The following LRRC4C variants were observed in gnomAD, a reference collection of about 807,000 sequenced individuals.
LRRC4C encodes leucine rich repeat containing 4C.
Under a neutral mutation model 33.6 loss-of-function variants are expected in LRRC4C, and 5 were observed. The observed-to-expected ratio is 0.15, with a 90% CI of 0.08 to 0.31. LRRC4C has a LOEUF of 0.31. Among genes scored for constraint, LRRC4C ranks in the 10% least tolerant of loss-of-function variants. The pLI is 1.00. For missense variants in LRRC4C, 560 were observed against 796.7 expected, an observed-to-expected ratio of 0.70 and a Z score of 3.58; for synonymous variants, 329 against 302.0, an observed-to-expected ratio of 1.09 and a Z score of -0.93.
At chr11:40,802,687 G>A (rs1218122848) in intron 2 of LRRC4C, among the ~76,000 whole-genome samples, 2 of 152,116 alleles carry the variant, frequency 1.3e-5, no homozygotes, top group Admixed American at 6.6e-5. Context: ...AAAAGACATA[G>A]AAAATGTGAG....
rs112519968 is a variant in LRRC4C, at chr11:41,133,297, G to T, written c.-495-199574C>A. Among the ~76,000 whole-genome samples the T allele has an allele frequency of 8.6e-3, 1,316 of 152,140 alleles. 14 individuals are homozygous for T. The highest frequency in any genetic ancestry group is 0.013 in the Non-Finnish European group (873 of 67,994). On this transcript the variant is annotated intron_variant, in intron 1 of 6. Coordinates refer to ENST00000528697, the MANE Select transcript of LRRC4C (RefSeq NM_001258419.2). Reference sequence around the variant, plus strand: ...TTCAAAGTTCAGGGCTAACCATAGGGGATGGTGGGGAAAGTGATCTCCAAA... The same window carrying T: ...TTCAAAGTTCAGGGCTAACCATAGGTGATGGTGGGGAAAGTGATCTCCAAA...
intron 2 of LRRC4C, among the ~76,000 whole-genome samples, chr11:40,692,578 C>G (rs1565641098): frequency 6.6e-6 from 1 of 151,866 alleles, no homozygotes; most frequent in African/African-American, 2.4e-5. Context: ...GAAGAAAAGC[C>G]CTTTTTTTTT....
intron 1 of LRRC4C, among the ~76,000 whole-genome samples, chr11:40,979,408 T>G (rs1316018365): frequency 6.6e-6 from 1 of 152,196 alleles, no homozygotes; most frequent in African/African-American, 2.4e-5. Flanking sequence ...TAGAATACCT[T>G]TCATCAAGAC....
intron 1 of LRRC4C, among the ~76,000 whole-genome samples, chr11:41,349,035 C>T (rs1565602363): frequency 6.6e-6 from 1 of 152,142 alleles, no homozygotes; most frequent in South Asian, 2.1e-4. Flanking sequence ...GCTGCTGGAC[C>T]TGGACAGAGT....
At chr11:41,051,555 G>GAAAAAAAAAAAAAAAAA (rs1565337349) in intron 1 of LRRC4C, among the ~76,000 whole-genome samples, 92 of 82,738 alleles carry the variant, frequency 1.1e-3, no homozygotes, top group African/African-American at 1.4e-3. Context: ...AAAAAAAAAG[G>GAAAAAAAAAAAAAAAAA]AAAAATTAGT....
At position 41,304,922 on chromosome 11, in the gene LRRC4C, G is replaced by T. The variant is rs568704642; in HGVS notation, c.-496+154509C>A. On this transcript the variant is annotated intron_variant, in intron 1 of 6. Coordinates refer to ENST00000528697, the MANE Select transcript of LRRC4C (RefSeq NM_001258419.2). Reference sequence around the variant, plus strand: ...CCCCATCCGGGAGGGAGGTGGGGGGGGGTCAGCCCACCTGCTGGGCCAGCC... The same window carrying T: ...CCCCATCCGGGAGGGAGGTGGGGGGTGGTCAGCCCACCTGCTGGGCCAGCC... 1.6e-5 allele frequency among the ~76,000 whole-genome samples: 2 copies of T among 124,606 alleles called. 1 individual carries two copies. The highest frequency in any genetic ancestry group is 5.2e-4 in the South Asian group (2 of 3,860). 81.7% of individuals were successfully genotyped at this position (124,606 alleles called of 152,430 possible).
chr11:40,877,875 G>A (rs1004970593), intron 2 of LRRC4C, among the ~76,000 whole-genome samples: 2 of 152,130 alleles, frequency 1.3e-5, no homozygotes, highest in Admixed American at 6.5e-5. Flanking sequence ...AAAGCCAGTC[G>A]ACACGTATTA....
intron 3 of LRRC4C, among the ~76,000 whole-genome samples, chr11:40,379,859 G>T (rs765479887): frequency 1.3e-5 from 2 of 152,104 alleles, no homozygotes; most frequent in Non-Finnish European, 2.9e-5. Flanking sequence ...GGAATTTGTT[G>T]GAAATACAAA....
intron 3 of LRRC4C, among the ~76,000 whole-genome samples, chr11:40,495,825 T>G (rs1432440339): frequency 2.3e-5 from 1 of 42,716 alleles, no homozygotes; most frequent in Non-Finnish European, 4.6e-5. Context: ...TTTTTTTTTT[T>G]TTTTTTTTTT....
At chr11:40,738,871 T>G (rs1948014790) in intron 2 of LRRC4C, among the ~76,000 whole-genome samples, 2 of 152,096 alleles carry the variant, frequency 1.3e-5, no homozygotes, top group African/African-American at 4.8e-5. Flanking sequence ...AGGACTCTTT[T>G]TTCTTCAGCT....
intron 1 of LRRC4C, among the ~76,000 whole-genome samples, chr11:40,951,137 C>A (rs953011445): frequency 6.6e-6 from 1 of 151,864 alleles, no homozygotes; most frequent in Non-Finnish European, 1.5e-5. Context: ...ATAATAAAAT[C>A]TGGAGGGCAA....
intron 1 of LRRC4C, among the ~76,000 whole-genome samples, chr11:41,183,519 C>A (rs1192185230): frequency 6.6e-6 from 1 of 152,120 alleles, no homozygotes; most frequent in East Asian, 1.9e-4. Flanking sequence ...CTCCATGTCT[C>A]ACACCCAGGT....
At chr11:40,164,591 C>T (rs868290239) in intron 5 of LRRC4C, among the ~76,000 whole-genome samples, 10 of 152,120 alleles carry the variant, frequency 6.6e-5, no homozygotes, top group African/African-American at 2.4e-4. Context: ...GTGACTAACA[C>T]TTAGACAGCA....
At chr11:40,684,404 G>A (rs1219359165) in intron 2 of LRRC4C, among the ~76,000 whole-genome samples, 2 of 151,934 alleles carry the variant, frequency 1.3e-5, no homozygotes, top group African/African-American at 4.8e-5. Flanking sequence ...TGAACTGGAA[G>A]ATAGAGATAA....
At chr11:41,443,089 A>ATTTTTTTTTTTTTTTTTTTTTTCTTTC in intron 1 of LRRC4C, among the ~76,000 whole-genome samples, 1 of 105,996 alleles carries the variant, frequency 9.4e-6, no homozygotes, top group Non-Finnish European at 1.8e-5. Context: ...TGTTTGCTTC[A>ATTTTTTTTTTTTTTTTTTTTTTCTTTC]TTTTTTTTTT....
intron 1 of LRRC4C, among the ~76,000 whole-genome samples, chr11:41,357,049 A>T (rs80274509): frequency 0.019 from 2,822 of 145,816 alleles, 81 homozygotes; most frequent in African/African-American, 0.073. Context: ...CCCAGAAATT[A>T]AAAAAAAATA....
At chr11:40,758,367 A>G (rs769946362) in intron 2 of LRRC4C, among the ~76,000 whole-genome samples, 2 of 151,962 alleles carry the variant, frequency 1.3e-5, no homozygotes, top group Non-Finnish European at 2.9e-5. Context: ...TCCTCCTGCT[A>G]TGTGCATGGT....
chr11:40,902,540 G>A (rs1017898988), intron 2 of LRRC4C, among the ~76,000 whole-genome samples: 31 of 152,046 alleles, frequency 2.0e-4, no homozygotes, highest in African/African-American at 7.5e-4. Context: ...AAAGAGGATG[G>A]CATATCAAAA....
intron 5 of LRRC4C, among the ~76,000 whole-genome samples, chr11:40,169,844 G>A (rs548033487): frequency 5.3e-5 from 8 of 152,200 alleles, no homozygotes; most frequent in Non-Finnish European, 8.8e-5. Flanking sequence ...ATAAGGGTAG[G>A]TCATTTTGTC....
Sources: allele counts gnomAD v4.1 joint callset (sites outside exome capture counted in the v4.1 genomes callset), GRCh38; gene constraint gnomAD v4.1.1; transcripts MANE v1.5; gene names NCBI Gene and HGNC (gene_info 2026-07-23, HGNC 2026-07-21).